The following TBCE variants were observed in gnomAD, a reference collection of about 807,000 sequenced individuals.
TBCE encodes tubulin folding cofactor E, also known as tubulin-specific chaperone E.
Under a neutral mutation model 77.0 loss-of-function variants are expected in TBCE, and 53 were observed. The observed-to-expected ratio is 0.69, with a 90% CI of 0.55 to 0.87. The LOEUF (loss-of-function observed/expected upper bound fraction) is 0.87, where lower values mean the gene tolerates loss of function less well. TBCE is among the 40% of genes least tolerant of loss of function. The probability of loss-of-function intolerance (pLI) is 0.00; values close to 1 mark genes in which losing one functional copy is unlikely to be tolerated. For missense variants in TBCE, 624 were observed against 622.4 expected (o/e 1.00, Z -0.03); for synonymous variants, 235 against 241.3 (o/e 0.97, Z 0.24).
chr1:235,440,777 G>C (rs1038444749), intron 13 of TBCE: 1 of 151,492 alleles, frequency 6.6e-6, no homozygotes, highest in Non-Finnish European at 1.5e-5. Context: ...GTAAGCTCTC[G>C]TCCCGAGGGC....
chr1:235,379,943 GC>G, intron 1 of TBCE, 75 bp from the exon 2 acceptor site: 1 of 739,782 alleles, frequency 1.4e-6, no homozygotes, highest in East Asian at 3.3e-5. Context: ...GCAAGACTGT[GC>G]CTCAAAAAAA....
chr1:235,380,687 G>A (rs1161919976), intron 2 of TBCE, among the ~76,000 whole-genome samples: 1 of 151,780 alleles, frequency 6.6e-6, no homozygotes, highest in Admixed American at 6.6e-5. Context: ...TATATAGTTT[G>A]TTTAATTGTT....
intron 15 of TBCE, among the ~76,000 whole-genome samples, chr1:235,444,221 G>A (rs1191994924): frequency 2.6e-5 from 4 of 152,082 alleles, no homozygotes; most frequent in South Asian, 2.1e-4. Context: ...TTACCACAAC[G>A]TCTCCATTTT....
At chr1:235,395,435 A>G (rs1362132044) in intron 2 of TBCE, among the ~76,000 whole-genome samples, 1 of 152,066 alleles carries the variant, frequency 6.6e-6, no homozygotes, top group African/African-American at 2.4e-5. Context: ...CATGCTATCA[A>G]ACACTAGATC....
At chr1:235,386,326 C>G (rs1363252779) in intron 2 of TBCE, among the ~76,000 whole-genome samples, 1 of 152,110 alleles carries the variant, frequency 6.6e-6, no homozygotes, top group Non-Finnish European at 1.5e-5. Context: ...TCTGTATTTT[C>G]TGAATCTGAT....
intron 4 of TBCE, among the ~76,000 whole-genome samples, chr1:235,416,547 A>G (rs1305940416): frequency 1.3e-5 from 2 of 152,120 alleles, no homozygotes; most frequent in Non-Finnish European, 2.9e-5. Flanking sequence ...AAACCAAAAA[A>G]AAAAAACCCC....
chr1:235,414,512 T>C lies in TBCE; in HGVS notation c.265T>C (p.Tyr89His), dbSNP rs2102883175. The C allele has an allele frequency of 6.2e-7, 1 of 1,613,934 alleles. No individual in the cohort carries two copies. Among genetic ancestry groups the C allele is most frequent in the East Asian group, 2.2e-5 (1 of 44,862 alleles). ...CTTTCTTACTGCAATTAAGAACCGC[T>C]ATGTGTTAGAAGATGGACCAGAGGA... is the stretch of plus-strand genomic sequence containing the variant. ...TDFLTAIKNR[Y>H]VLEDGPEEDR... The change falls in exon 4 of 17, where the codon TAT becomes CAT. Residue 89 changes from tyrosine to histidine, a missense_variant. Transcript: ENST00000642610.
At chr1:235,388,623 C>T (rs574928106) in intron 2 of TBCE, among the ~76,000 whole-genome samples, 1 of 152,268 alleles carries the variant, frequency 6.6e-6, no homozygotes, top group East Asian at 1.9e-4. Context: ...TGAATATTCT[C>T]AGGTTCTTGA....
intron 4 of TBCE, among the ~76,000 whole-genome samples, chr1:235,417,334 T>C (rs1680164724): frequency 6.6e-6 from 1 of 152,222 alleles, no homozygotes; most frequent in African/African-American, 2.4e-5. Context: ...GTTGCCTGTT[T>C]CATGAGATTC....
At chr1:235,434,013 T>A (rs937312302) in intron 7 of TBCE, 191 bp from the exon 8 acceptor site, 1 of 626,888 alleles carries the variant, frequency 1.6e-6, no homozygotes, top group Non-Finnish European at 2.9e-6. Flanking sequence ...AGCATTAAAA[T>A]GCACCCCCTT....
intron 2 of TBCE, among the ~76,000 whole-genome samples, chr1:235,393,056 G>T (rs1206376779): frequency 1.3e-5 from 2 of 151,976 alleles, no homozygotes; most frequent in Non-Finnish European, 2.9e-5. Flanking sequence ...ATTAATTTTA[G>T]ACATGAGTTT....
chr1:235,367,815 C>T (rs574441441), intron 1 of TBCE, among the ~76,000 whole-genome samples: 4 of 152,180 alleles, frequency 2.6e-5, no homozygotes, highest in Non-Finnish European at 2.9e-5. Context: ...AAGGTGTCAC[C>T]TTAGAGGAAC....
At chr1:235,423,052 T>C (rs767526541) in intron 5 of TBCE, among the ~76,000 whole-genome samples, 32 of 152,226 alleles carry the variant, frequency 2.1e-4, no homozygotes, top group Admixed American at 3.3e-4. Context: ...CAGCTCCCGA[T>C]TGAATTCTCG....
chr1:235,401,910 G>A lies in TBCE; in HGVS notation c.185+323G>A, dbSNP rs925763383. Among the ~76,000 whole-genome samples the A allele has an allele frequency of 2.9e-5, 4 of 139,558 alleles. No individual in the cohort carries two copies. The South Asian group carries it at 8.8e-4, about 31-fold the overall frequency. 91.6% of individuals were successfully genotyped at this position (139,558 alleles called of 152,430 possible). A position where few individuals can be genotyped will look rare whatever the true frequency, so the allele number is the denominator to read the frequency against. On this transcript the variant is annotated intron_variant, in intron 3 of 16. Transcript: ENST00000642610. ...TGGCTCATTACCAATTTACAATCCA[G>A]TAAGTAAATAATAGAAAAGAGAAAC...
chr1:235,405,810 C>T (rs1002886186), intron 3 of TBCE, among the ~76,000 whole-genome samples: 3 of 152,084 alleles, frequency 2.0e-5, no homozygotes, highest in African/African-American at 7.2e-5. Flanking sequence ...GGCTTGTTTA[C>T]ACCAGCATCA....
At chr1:235,419,814 G>A (rs1356594434) in intron 5 of TBCE, among the ~76,000 whole-genome samples, 2 of 147,476 alleles carry the variant, frequency 1.4e-5, no homozygotes, top group African/African-American at 2.5e-5. Context: ...TTGGCCAGGC[G>A]CAGTGGCTCA....
intron 6 of TBCE, chr1:235,428,985 A>ATTTTTT (rs35190136): frequency 8.8e-5 from 9 of 102,286 alleles, no homozygotes; most frequent in African/African-American, 3.3e-4. Flanking sequence ...ATATATATAT[A>ATTTTTT]TTTTTTTTTT....
chr1:235,373,511 T>A (rs930053379), intron 1 of TBCE, among the ~76,000 whole-genome samples: 2 of 152,114 alleles, frequency 1.3e-5, no homozygotes, highest in African/African-American at 4.8e-5. Flanking sequence ...TGGCACGATC[T>A]TGGCTCACTG....
chr1:235,413,682 A>T (rs1031710415), intron 3 of TBCE, among the ~76,000 whole-genome samples: 1 of 151,738 alleles, frequency 6.6e-6, no homozygotes, highest in Non-Finnish European at 1.5e-5. Flanking sequence ...AAAGAAAAAA[A>T]GTAATGATCG....
Sources: gnomAD v4.1 joint callset for allele counts (sites outside exome capture counted in the v4.1 genomes callset) on GRCh38, gnomAD v4.1.1 for gene constraint, MANE v1.5 for transcripts, NCBI Gene and HGNC (gene_info 2026-07-23, HGNC 2026-07-21) for gene names.